Variants in TAS2R1 observed in about 807,000 individuals in gnomAD.
TAS2R1 encodes taste receptor type 2 member 1.
For missense variants in TAS2R1, 370 were observed against 353.4 expected (o/e 1.05, Z -0.38); for synonymous variants, 141 against 134.2 (o/e 1.05, Z -0.35).
At chr5:9,883,571 G>C in the TAS2R1 span, among the ~76,000 whole-genome samples, 2 of 151,922 alleles carry the variant, frequency 1.3e-5, no homozygotes, top group African/African-American at 4.8e-5. Context: ...AATATTTAAA[G>C]GTAAGACAAA....
At chr5:9,717,321 G>T (rs1386731458), upstream of TAS2R1, among the ~76,000 whole-genome samples, 1 of 151,972 alleles carries the variant, frequency 6.6e-6, no homozygotes, top group Admixed American at 6.6e-5. Context: ...GGGAAAGAAG[G>T]ACTTAAGAAG....
chr5:9,718,379 A>G, the TAS2R1 span, among the ~76,000 whole-genome samples: 1 of 152,230 alleles, frequency 6.6e-6, no homozygotes, highest in African/African-American at 2.4e-5. Context: ...ATCAAGGATC[A>G]AAAACCAAAA....
the TAS2R1 span, among the ~76,000 whole-genome samples, chr5:9,879,078 C>T: frequency 6.6e-6 from 1 of 152,260 alleles, no homozygotes; most frequent in African/African-American, 2.4e-5. Context: ...AGGGCTGGGA[C>T]TATGGTGAGG....
chr5:9,711,534 C>T (rs770681794), intron 1 of TAS2R1, among the ~76,000 whole-genome samples: 1 of 152,022 alleles, frequency 6.6e-6, no homozygotes, highest in Non-Finnish European at 1.5e-5. Flanking sequence ...GGGAGGTGTT[C>T]GATAGGTCTA....
upstream of TAS2R1, among the ~76,000 whole-genome samples, chr5:9,716,833 A>G (rs1458962194): frequency 6.6e-6 from 1 of 152,182 alleles, no homozygotes; most frequent in African/African-American, 2.4e-5. Flanking sequence ...TATGGTCCTC[A>G]GGGTTTAGAA....
chr5:9,772,932 G>A, the TAS2R1 span, among the ~76,000 whole-genome samples: 1 of 152,024 alleles, frequency 6.6e-6, no homozygotes, highest in Non-Finnish European at 1.5e-5. Context: ...ATTGGGTATT[G>A]TGTTTTTCAT....
chr5:9,765,154 A>G, the TAS2R1 span, among the ~76,000 whole-genome samples: 3 of 152,300 alleles, frequency 2.0e-5, no homozygotes, highest in East Asian at 5.8e-4. Flanking sequence ...GAAACAAAAC[A>G]ACATTAAAAT....
the TAS2R1 span, among the ~76,000 whole-genome samples, chr5:9,740,084 T>G: frequency 6.6e-6 from 1 of 152,284 alleles, no homozygotes; most frequent in Non-Finnish European, 1.5e-5. Flanking sequence ...CCAGAGATGT[T>G]TTCTGGTGAT....
At chr5:9,832,985 G>A in the TAS2R1 span, among the ~76,000 whole-genome samples, 2 of 152,212 alleles carry the variant, frequency 1.3e-5, no homozygotes, top group East Asian at 1.9e-4. Context: ...GATGTACATC[G>A]TTTTAATCAG....
chr5:9,667,643 T>A (rs1477036477), intron 1 of TAS2R1, among the ~76,000 whole-genome samples: 3 of 152,096 alleles, frequency 2.0e-5, no homozygotes, highest in African/African-American at 7.2e-5. Flanking sequence ...AATGTGGGCA[T>A]GAAGACAGTA....
chr5:9,895,941 G>T, the TAS2R1 span, among the ~76,000 whole-genome samples: 2 of 152,216 alleles, frequency 1.3e-5, no homozygotes, highest in African/African-American at 4.8e-5. Context: ...GTGATTATTA[G>T]CACATCCAGG....
the TAS2R1 span, among the ~76,000 whole-genome samples, chr5:9,860,221 T>C: frequency 1.3e-5 from 2 of 152,220 alleles, no homozygotes; most frequent in African/African-American, 2.4e-5. Context: ...CTTGTTATCA[T>C]GGTGAAGGTC....
In TAS2R1 at chr5:9,679,444, T is replaced by C. The variant is rs192336414; in HGVS notation, c.-241-19863A>G. On this transcript the variant is annotated intron_variant, in intron 1 of 2. Coordinates refer to the TAS2R1 transcript ENST00000506620. ...CTGTACTATGAATGTATTAACCACA[T>C]GGGTAAAAGTGAGAAGAAAAGTTTC... 1.2e-3 allele frequency among the ~76,000 whole-genome samples: 180 copies of C among 152,234 alleles called. 2 individuals carry two copies. The highest frequency in any genetic ancestry group is 4.0e-3 in the African/African-American group (167 of 41,538).
At chr5:9,737,548 A>C in the TAS2R1 span, among the ~76,000 whole-genome samples, 1 of 152,184 alleles carries the variant, frequency 6.6e-6, no homozygotes, top group Non-Finnish European at 1.5e-5. Context: ...CTGCAGGTCC[A>C]GCCTCCAGGG....
intron 1 of TAS2R1, among the ~76,000 whole-genome samples, chr5:9,670,092 CA>C (rs753612356): frequency 1.3e-5 from 2 of 151,854 alleles, no homozygotes; most frequent in African/African-American, 4.8e-5. Context: ...CACAGAAATA[CA>C]AAAAAACCCT....
At chr5:9,839,091 T>A in the TAS2R1 span, among the ~76,000 whole-genome samples, 1 of 152,098 alleles carries the variant, frequency 6.6e-6, no homozygotes, top group Admixed American at 6.5e-5. Context: ...ATCACCACAG[T>A]GATGAAGCCT....
At chr5:9,871,464 G>GTCC in the TAS2R1 span, among the ~76,000 whole-genome samples, 1 of 152,156 alleles carries the variant, frequency 6.6e-6, no homozygotes, top group Non-Finnish European at 1.5e-5. Flanking sequence ...ATGCCACAGT[G>GTCC]TCCACTCTGT....
intron 2 of TAS2R1, among the ~76,000 whole-genome samples, chr5:9,654,225 C>G (rs1448236428): frequency 2.0e-5 from 3 of 152,120 alleles, no homozygotes; most frequent in Non-Finnish European, 4.4e-5. Flanking sequence ...TTGAAAAACT[C>G]TTCCTGCATT....
chr5:9,891,691 C>T, the TAS2R1 span, among the ~76,000 whole-genome samples: 1 of 152,208 alleles, frequency 6.6e-6, no homozygotes. Context: ...GCCCATATAA[C>T]ATGCCTCTCA....
Sources: allele counts gnomAD v4.1 joint callset (sites outside exome capture counted in the v4.1 genomes callset), GRCh38; gene constraint gnomAD v4.1.1; transcripts MANE v1.5; gene names NCBI Gene and HGNC (gene_info 2026-07-23, HGNC 2026-07-21).